The following SLC11A2 variants were observed in gnomAD, a reference collection of about 807,000 sequenced individuals.
The protein encoded by SLC11A2 is solute carrier family 11 member 2.
SLC11A2 carries 38 observed loss-of-function variants against 68.0 expected under a neutral mutation model. The ratio of observed to expected loss-of-function variants is 0.56; its 90% confidence interval spans 0.43 to 0.73. SLC11A2 has a LOEUF of 0.73. Among genes scored for constraint, SLC11A2 ranks in the 30% least tolerant of loss-of-function variants. SLC11A2 has a pLI of 0.00. For missense variants in SLC11A2, 517 were observed against 690.5 expected, an observed-to-expected ratio of 0.75 and a Z score of 2.82; for synonymous variants, 242 against 250.6, an observed-to-expected ratio of 0.97 and a Z score of 0.32.
At position 50,986,655 on chromosome 12, in the gene SLC11A2, T is replaced by C. The variant is rs1321259443; in HGVS notation, c.*1670A>G. ...GTCAGTCCCCAATATCTTCACAGAG[T>C]GCCTTTATGACCAGTTTGGAGAATT... On this transcript the variant is annotated 3_prime_UTR_variant, in exon 16 of 16. Coordinates refer to ENST00000262052, the MANE Select transcript of SLC11A2 (RefSeq NM_000617.3). The C allele has an allele frequency of 7.8e-7, 1 of 1,286,508 alleles. No homozygotes were observed. Among genetic ancestry groups the C allele is most frequent in the East Asian group, 5.5e-5 (1 of 18,022 alleles). The allele number at this position is 1,286,508 out of a possible 1,614,324, so 79.7% of individuals were successfully genotyped here. A position where few individuals can be genotyped will look rare whatever the true frequency, so the allele number is the denominator to read the frequency against.
downstream of SLC11A2, among the ~76,000 whole-genome samples, chr12:50,983,688 A>G (rs1223862201): frequency 6.6e-6 from 1 of 152,066 alleles, no homozygotes; most frequent in African/African-American, 2.4e-5. Context: ...AAATACAAAA[A>G]TTAGCCAGGT....
At chr12:50,954,643 T>C in the SLC11A2 span, among the ~76,000 whole-genome samples, 1 of 151,932 alleles carries the variant, frequency 6.6e-6, no homozygotes, top group Non-Finnish European at 1.5e-5. Context: ...GGAGGATTGC[T>C]TGAGCTCAGG....
the SLC11A2 span, chr12:50,954,354 A>G: frequency 5.6e-6 from 2 of 356,958 alleles, no homozygotes; most frequent in Non-Finnish European, 1.0e-5. Flanking sequence ...ATTAGTTCCT[A>G]GCCAGTCAAA....
chr12:50,996,230 T>C (rs1941688038), intron 9 of SLC11A2, among the ~76,000 whole-genome samples: 1 of 152,164 alleles, frequency 6.6e-6, no homozygotes. Context: ...CCACTCGAGC[T>C]TTTGAAATTT....
intron 2 of SLC11A2, among the ~76,000 whole-genome samples, chr12:51,008,876 C>T (rs1415285252): frequency 2.6e-5 from 4 of 152,030 alleles, no homozygotes; most frequent in Admixed American, 1.3e-4. Flanking sequence ...CCCCCTCCCC[C>T]AGTCACTCAA....
intron 5 of SLC11A2, 194 bp from the exon 6 acceptor site, chr12:51,000,613 T>C: frequency 6.5e-6 from 4 of 614,690 alleles, no homozygotes; most frequent in Non-Finnish European, 1.2e-5. Flanking sequence ...GAAGGAAAAG[T>C]GTGCTACCAC....
chr12:50,957,937 G>GGGGTGTGTGT, the SLC11A2 span, among the ~76,000 whole-genome samples: 3 of 132,408 alleles, frequency 2.3e-5, no homozygotes, highest in Admixed American at 7.7e-5. Flanking sequence ...ATGAATTGGA[G>GGGGTGTGTGT]GTGTGTGTGT....
At chr12:50,989,400 C>T (rs1209842838) in intron 15 of SLC11A2, among the ~76,000 whole-genome samples, 1 of 152,064 alleles carries the variant, frequency 6.6e-6, no homozygotes, top group East Asian at 1.9e-4. Flanking sequence ...CTAAGGCAGG[C>T]GAATCACTTG....
rs71663850 is a variant in SLC11A2 at position 50,993,992 on chromosome 12, CAAAAAAAAA to C, written c.1077+543_1077+551del. ...GGGCAACAGAGCAAGACCTTGTCTC[CAAAAAAAAA>C]AAAAAAAAAAAAAAAAGCTGGGGTG... On this transcript the variant is annotated intron_variant, in intron 11 of 15. Coordinates refer to ENST00000262052, the MANE Select transcript of SLC11A2 (RefSeq NM_000617.3). Among the ~76,000 whole-genome samples the C allele has an allele frequency of 8.8e-3, 427 of 48,412 alleles. 7 individuals carry two copies. The highest frequency in any genetic ancestry group is 0.031 in the African/African-American group (405 of 13,214). The allele number at this position is 48,412 out of a possible 152,430, so 31.8% of individuals were successfully genotyped here.
chr12:50,990,427 G>A lies in SLC11A2; in HGVS notation c.1575+368C>T, dbSNP rs1017637843. 3.3e-5 allele frequency among the ~76,000 whole-genome samples: 5 copies of A among 152,318 alleles called. No individual in the cohort carries two copies. The South Asian group carries it at 1.0e-3, about 32-fold the overall frequency. On this transcript the variant is annotated intron_variant, in intron 15 of 15. Transcript: ENST00000262052. ...ATTACTAAGAATGGAAACTACAGAA[G>A]TGACAGAAATTGAAAAATGACAAAT...
the SLC11A2 span, among the ~76,000 whole-genome samples, chr12:50,958,083 G>T: frequency 3.3e-3 from 495 of 151,658 alleles, 1 homozygote; most frequent in African/African-American, 0.011. Flanking sequence ...TGGCATTACA[G>T]GCATGAGCTA....
the SLC11A2 span, among the ~76,000 whole-genome samples, chr12:50,960,633 T>C: frequency 6.6e-6 from 1 of 152,188 alleles, no homozygotes; most frequent in African/African-American, 2.4e-5. Context: ...CATTCTTTCA[T>C]TTAACTCTCT....
At chr12:50,994,226 T>C (rs1194928667) in intron 11 of SLC11A2, among the ~76,000 whole-genome samples, 1 of 151,990 alleles carries the variant, frequency 6.6e-6, no homozygotes, top group African/African-American at 2.4e-5. Flanking sequence ...TTTTTGTTTT[T>C]AGTAGAGACA....
chr12:50,968,377 C>T, the SLC11A2 span, among the ~76,000 whole-genome samples: 1 of 151,930 alleles, frequency 6.6e-6, no homozygotes, highest in Non-Finnish European at 1.5e-5. Flanking sequence ...TCCAGTTACA[C>T]TGATTCTTTT....
intron 8 of SLC11A2, 143 bp from the exon 9 acceptor site, chr12:50,997,115 T>A: frequency 1.4e-6 from 1 of 717,476 alleles, no homozygotes; most frequent in Non-Finnish European, 2.5e-6. Flanking sequence ...TCTTGCTCTG[T>A]CACCCAGGCT....
At chr12:50,978,028 T>G (rs1447584522), downstream of SLC11A2, among the ~76,000 whole-genome samples, 3 of 152,100 alleles carry the variant, frequency 2.0e-5, no homozygotes, top group Admixed American at 2.0e-4. Flanking sequence ...AAATAGGAAC[T>G]TTTACACTGT....
At chr12:50,972,783 A>G in the SLC11A2 span, among the ~76,000 whole-genome samples, 2 of 152,242 alleles carry the variant, frequency 1.3e-5, no homozygotes, top group South Asian at 4.1e-4. Flanking sequence ...AAATCGGGTC[A>G]CTCCCACCCT....
chr12:50,954,068 A>G, the SLC11A2 span: 1 of 1,611,646 alleles, frequency 6.2e-7, no homozygotes, highest in South Asian at 1.1e-5. Flanking sequence ...CAGGAAATCT[A>G]GAGACTCCCC....
chr12:51,008,281 G>GACAA (rs201140421), intron 3 of SLC11A2, 195 bp downstream of exon 3: 24 of 531,250 alleles, frequency 4.5e-5, no homozygotes, highest in Non-Finnish European at 7.4e-5. Context: ...CAGACAGACA[G>GACAA]AGATAGATAG....
Sources: allele counts gnomAD v4.1 joint callset (sites outside exome capture counted in the v4.1 genomes callset), GRCh38; gene constraint gnomAD v4.1.1; transcripts MANE v1.5; gene names NCBI Gene and HGNC (gene_info 2026-07-23, HGNC 2026-07-21).